CADM2: variants seen among roughly 807,000 people sequenced by gnomAD.
CADM2 encodes the protein immunoglobulin superfamily member 4D.
CADM2 carries 12 observed loss-of-function variants against 49.8 expected under a neutral mutation model. The ratio of observed to expected loss-of-function variants is 0.24; its 90% confidence interval spans 0.15 to 0.39. The LOEUF (loss-of-function observed/expected upper bound fraction) is 0.39, where lower values mean the gene tolerates loss of function less well. Among genes scored for constraint, CADM2 ranks in the 10% least tolerant of loss-of-function variants. The probability of loss-of-function intolerance (pLI) is 1.00; values close to 1 mark genes in which losing one functional copy is unlikely to be tolerated. For synonymous variants in CADM2, 214 were observed against 175.4 expected, an observed-to-expected ratio of 1.22 and a Z score of -1.74; for missense variants, 378 against 492.3, an observed-to-expected ratio of 0.77 and a Z score of 2.20.
chr3:85,400,873 A>G (rs987898343), intron 1 of CADM2, among the ~76,000 whole-genome samples: 1 of 152,018 alleles, frequency 6.6e-6, no homozygotes, highest in African/African-American at 2.4e-5. Flanking sequence ...CTTTTGTGTC[A>G]TCAACCCCTG....
chr3:85,031,727 A>C (rs560047478), intron 1 of CADM2, among the ~76,000 whole-genome samples: 9 of 151,876 alleles, frequency 5.9e-5, no homozygotes, highest in Non-Finnish European at 1.0e-4. Context: ...TCACAGTGTT[A>C]GCCAGGATGG....
chr3:85,213,332 G>A (rs2041845979), intron 1 of CADM2, among the ~76,000 whole-genome samples: 1 of 151,678 alleles, frequency 6.6e-6, no homozygotes, highest in African/African-American at 2.4e-5. Context: ...ATTTTCACTG[G>A]ATATACTATT....
At chr3:85,611,502 T>A (rs1393687225) in intron 1 of CADM2, among the ~76,000 whole-genome samples, 1 of 151,896 alleles carries the variant, frequency 6.6e-6, no homozygotes, top group East Asian at 1.9e-4. Flanking sequence ...CAAGTTGAAC[T>A]CATGAGAAAG....
At chr3:85,935,890 CT>C (rs753256469) in intron 7 of CADM2, 33 bp downstream of exon 7, 3 of 1,286,354 alleles carry the variant, frequency 2.3e-6, no homozygotes, top group Admixed American at 1.9e-5. Context: ...AAGCTTTTAA[CT>C]TTTTTTCTTT....
At chr3:85,807,451 A>G (rs945189208) in intron 3 of CADM2, among the ~76,000 whole-genome samples, 2 of 140,764 alleles carry the variant, frequency 1.4e-5, no homozygotes, top group Non-Finnish European at 3.0e-5. Flanking sequence ...GTGAACTGAG[A>G]TTGTACCATT....
At chr3:85,430,503 G>A (rs1448762140) in intron 1 of CADM2, among the ~76,000 whole-genome samples, 1 of 151,366 alleles carries the variant, frequency 6.6e-6, no homozygotes, top group Non-Finnish European at 1.5e-5. Context: ...GGGTGACAGA[G>A]CAAGACCTTG....
chr3:85,855,595 T>G (rs1559703052), intron 3 of CADM2, among the ~76,000 whole-genome samples: 1 of 108,490 alleles, frequency 9.2e-6, no homozygotes, highest in Admixed American at 9.4e-5. Flanking sequence ...CATATATATA[T>G]ATAAAACATA....
chr3:85,905,259 A>G (rs1716644839), intron 5 of CADM2, among the ~76,000 whole-genome samples: 1 of 152,154 alleles, frequency 6.6e-6, no homozygotes, highest in Admixed American at 6.5e-5. Context: ...AAGGGTAAAT[A>G]TAGATCTGCG....
intron 1 of CADM2, among the ~76,000 whole-genome samples, chr3:85,571,144 C>T (rs1032405158): frequency 6.6e-6 from 1 of 152,120 alleles, no homozygotes; most frequent in African/African-American, 2.4e-5. Context: ...CTGTTTCTAT[C>T]ATCCTGAAGT....
intron 8 of CADM2, among the ~76,000 whole-genome samples, chr3:85,984,848 A>G (rs1727903556): frequency 6.6e-6 from 1 of 151,998 alleles, no homozygotes. Context: ...ATAATTTTGT[A>G]CTAACAAAAA....
chr3:85,169,246 G>T (rs2107681577), intron 1 of CADM2, among the ~76,000 whole-genome samples: 1 of 152,148 alleles, frequency 6.6e-6, no homozygotes, highest in Non-Finnish European at 1.5e-5. Flanking sequence ...CACTCACCTT[G>T]GCCTTCCAAA....
At chr3:85,473,045 T>C (rs2038833708) in intron 1 of CADM2, among the ~76,000 whole-genome samples, 4 of 152,112 alleles carry the variant, frequency 2.6e-5, no homozygotes, top group Admixed American at 2.6e-4. Context: ...ATTGTTCTTA[T>C]ATGCAAAACA....
At chr3:85,658,576 G>GTGTATATATATATA (rs1460728518) in intron 1 of CADM2, among the ~76,000 whole-genome samples, 2 of 68,754 alleles carry the variant, frequency 2.9e-5, no homozygotes, top group Non-Finnish European at 5.4e-5. Flanking sequence ...GGATATATGT[G>GTGTATATATATATA]TATATATATA....
intron 1 of CADM2, among the ~76,000 whole-genome samples, chr3:85,484,643 G>T (rs1000941467): frequency 6.6e-5 from 10 of 151,878 alleles, no homozygotes; most frequent in African/African-American, 4.8e-5. Context: ...TCACAGCAAA[G>T]CCTTTAAAAC....
chr3:85,662,934 A>G (rs1052755690), intron 1 of CADM2, among the ~76,000 whole-genome samples: 1 of 152,040 alleles, frequency 6.6e-6, no homozygotes, highest in Non-Finnish European at 1.5e-5. Context: ...ATAGTTGCCT[A>G]GTTCCTTTTT....
intron 1 of CADM2, among the ~76,000 whole-genome samples, chr3:85,700,509 T>G (rs2066721426): frequency 6.6e-6 from 1 of 152,210 alleles, no homozygotes; most frequent in South Asian, 2.1e-4. Flanking sequence ...ATATAAGTTC[T>G]AGTTTTACTT....
chr3:84,977,726 C>G (rs1248449157), intron 1 of CADM2, among the ~76,000 whole-genome samples: 2 of 151,924 alleles, frequency 1.3e-5, no homozygotes, highest in Admixed American at 1.3e-4. Flanking sequence ...TGGAAGAATA[C>G]CACAACAGAA....
At chr3:85,559,130 A>G (rs1049111557) in intron 1 of CADM2, among the ~76,000 whole-genome samples, 2 of 152,026 alleles carry the variant, frequency 1.3e-5, no homozygotes, top group Non-Finnish European at 2.9e-5. Context: ...TTTACTCTCC[A>G]TTTATTTAAT....
chr3:85,598,751 A>G (rs916824534), intron 1 of CADM2, among the ~76,000 whole-genome samples: 2 of 152,104 alleles, frequency 1.3e-5, no homozygotes, highest in Middle Eastern at 6.8e-3. Context: ...CAGTGAATTT[A>G]CATTCTAGTA....
Sources: gnomAD v4.1 joint callset for allele counts (sites outside exome capture counted in the v4.1 genomes callset) on GRCh38, gnomAD v4.1.1 for gene constraint, MANE v1.5 for transcripts, NCBI Gene and HGNC (gene_info 2026-07-23, HGNC 2026-07-21) for gene names.